Variants in TMEM232 observed in about 807,000 individuals in gnomAD.
TMEM232 encodes the protein transmembrane protein 232.
Under a neutral mutation model 78.8 loss-of-function variants are expected in TMEM232, and 80 were observed. That is an observed-to-expected ratio of 1.01 (90% CI 0.85 to 1.22). The LOEUF (loss-of-function observed/expected upper bound fraction) is 1.22. Ranked by LOEUF, TMEM232 falls within the 50% of genes most tolerant of loss-of-function variation. The pLI is 0.00. For synonymous variants in TMEM232, 297 were observed against 254.3 expected, an observed-to-expected ratio of 1.17 and a Z score of -1.60; for missense variants, 881 against 742.2, an observed-to-expected ratio of 1.19 and a Z score of -2.17.
intron 12 of TMEM232, among the ~76,000 whole-genome samples, chr5:110,433,200 A>T (rs1229287758): frequency 2.0e-5 from 3 of 151,758 alleles, no homozygotes; most frequent in African/African-American, 7.2e-5. Flanking sequence ...CTGCATATGG[A>T]ACATACTCTA....
chr5:110,678,503 T>C (rs554064259), intron 1 of TMEM232, among the ~76,000 whole-genome samples: 23 of 152,336 alleles, frequency 1.5e-4, no homozygotes, highest in African/African-American at 4.6e-4. Flanking sequence ...TGTGTTATAA[T>C]TGGTAAATCT....
At chr5:110,460,221 A>C (rs1409157937) in intron 12 of TMEM232, among the ~76,000 whole-genome samples, 1 of 152,154 alleles carries the variant, frequency 6.6e-6, no homozygotes, top group Non-Finnish European at 1.5e-5. Flanking sequence ...TCTGAGGAAT[A>C]CACTGGGGTG....
intron 12 of TMEM232, among the ~76,000 whole-genome samples, chr5:110,514,598 A>G (rs1354962290): frequency 6.6e-6 from 1 of 152,150 alleles, no homozygotes; most frequent in African/African-American, 2.4e-5. Context: ...AACTTACTTT[A>G]AATCAATCAG....
chr5:110,548,576 C>T (rs1774071676), intron 11 of TMEM232, among the ~76,000 whole-genome samples: 1 of 151,470 alleles, frequency 6.6e-6, no homozygotes, highest in African/African-American at 2.4e-5. Context: ...AAAATCTTTT[C>T]CCAAAAGGCA....
intron 12 of TMEM232, among the ~76,000 whole-genome samples, chr5:110,493,404 G>T (rs1765315099): frequency 6.7e-6 from 1 of 148,766 alleles, no homozygotes; most frequent in Non-Finnish European, 1.5e-5. Context: ...AAGTAAAATT[G>T]TCTTACAAAT....
intron 12 of TMEM232, among the ~76,000 whole-genome samples, chr5:110,474,806 GA>G (rs1249855582): frequency 6.6e-6 from 1 of 151,574 alleles, no homozygotes; most frequent in Non-Finnish European, 1.5e-5. Context: ...AAAACATCAA[GA>G]AAAAACAAAT....
chr5:110,587,689 ATATGTG>A (rs1439114789), intron 10 of TMEM232, among the ~76,000 whole-genome samples: 362 of 53,156 alleles, frequency 6.8e-3, no homozygotes, highest in East Asian at 0.059. Flanking sequence ...ATATATATAT[ATATGTG>A]TGTGTGTGTG....
intron 4 of TMEM232, chr5:110,388,061 A>T (rs1755049221): frequency 6.6e-6 from 1 of 152,124 alleles, no homozygotes; most frequent in African/African-American, 2.4e-5. Flanking sequence ...AATCTGTAAA[A>T]GAAAGGAGAG....
intron 1 of TMEM232, among the ~76,000 whole-genome samples, chr5:110,726,322 C>T (rs1401560843): frequency 6.6e-6 from 1 of 152,016 alleles, no homozygotes; most frequent in Non-Finnish European, 1.5e-5. Flanking sequence ...AATGAATTTC[C>T]CTATTCATAG....
downstream of TMEM232, among the ~76,000 whole-genome samples, chr5:110,416,205 C>A (rs1032452533): frequency 1.3e-5 from 2 of 152,162 alleles, no homozygotes; most frequent in Admixed American, 6.5e-5. Flanking sequence ...GTACAAGGAG[C>A]CTTACAGATA....
intron 10 of TMEM232, among the ~76,000 whole-genome samples, chr5:110,580,124 T>G (rs938041732): frequency 6.6e-6 from 1 of 151,742 alleles, no homozygotes; most frequent in Non-Finnish European, 1.5e-5. Flanking sequence ...ATAACAATTA[T>G]AAATATATAT....
intron 1 of TMEM232, among the ~76,000 whole-genome samples, chr5:110,696,511 T>C (rs1405800918): frequency 1.3e-5 from 2 of 152,148 alleles, no homozygotes; most frequent in African/African-American, 4.8e-5. Context: ...GGAAGTCAAA[T>C]TGTCCCTGTT....
At chr5:110,492,047 A>G (rs1765158363) in intron 12 of TMEM232, among the ~76,000 whole-genome samples, 1 of 151,858 alleles carries the variant, frequency 6.6e-6, no homozygotes, top group Admixed American at 6.6e-5. Flanking sequence ...CAAACATGCA[A>G]AAAAAACAGA....
chr5:110,493,238 A>C (rs1409610187), intron 12 of TMEM232, among the ~76,000 whole-genome samples: 4 of 151,930 alleles, frequency 2.6e-5, no homozygotes, highest in Non-Finnish European at 5.9e-5. Flanking sequence ...ATGAAAACTT[A>C]GTATCATAAA....
intron 2 of TMEM232, among the ~76,000 whole-genome samples, chr5:110,732,760 T>C (rs1480408664): frequency 6.6e-6 from 1 of 152,206 alleles, no homozygotes; most frequent in African/African-American, 2.4e-5. Context: ...TTGCCAAATA[T>C]TTAGAGTTCT....
chr5:110,722,612 T>A (rs1580795908), intron 1 of TMEM232, among the ~76,000 whole-genome samples: 2 of 152,114 alleles, frequency 1.3e-5, no homozygotes, highest in African/African-American at 4.8e-5. Flanking sequence ...GAAACCAAGA[T>A]GAAAGCTTAA....
At chr5:110,695,988 G>A (rs1259107880) in intron 1 of TMEM232, among the ~76,000 whole-genome samples, 1 of 152,108 alleles carries the variant, frequency 6.6e-6, no homozygotes, top group African/African-American at 2.4e-5. Context: ...AAGCCTAGCA[G>A]AGACAAAACA....
intron 5 of TMEM232, among the ~76,000 whole-genome samples, chr5:110,635,525 T>C (rs1373521595): frequency 6.6e-6 from 1 of 151,966 alleles, no homozygotes; most frequent in Admixed American, 6.6e-5. Context: ...CAAGAATGAT[T>C]CAACATATGC....
intron 12 of TMEM232, among the ~76,000 whole-genome samples, chr5:110,443,048 T>A (rs1370593797): frequency 3.3e-5 from 5 of 152,176 alleles, no homozygotes; most frequent in Admixed American, 1.3e-4. Context: ...AGCACAGCAC[T>A]GGGTCCCACC....
Sources: gnomAD v4.1 joint callset for allele counts (sites outside exome capture counted in the v4.1 genomes callset) on GRCh38, gnomAD v4.1.1 for gene constraint, MANE v1.5 for transcripts, NCBI Gene and HGNC (gene_info 2026-07-23, HGNC 2026-07-21) for gene names.